Variants in ROBO1 observed in about 807,000 individuals in gnomAD.
ROBO1 encodes roundabout homolog 1.
Under a neutral mutation model 195.9 loss-of-function variants are expected in ROBO1, and 149 were observed. That is an observed-to-expected ratio of 0.76 (90% confidence interval 0.67 to 0.87). ROBO1 has a LOEUF of 0.87. Ranked by LOEUF, ROBO1 falls within the 40% of genes least tolerant of loss-of-function variation. The pLI is 0.00. For missense variants in ROBO1, 1,933 were observed against 2,068.3 expected, an observed-to-expected ratio of 0.93 and a Z score of 1.27; for synonymous variants, 816 against 733.2, an observed-to-expected ratio of 1.11 and a Z score of -1.82.
intron 3 of ROBO1, among the ~76,000 whole-genome samples, chr3:79,039,469 C>A (rs2078441638): frequency 6.6e-6 from 1 of 152,074 alleles, no homozygotes; most frequent in Admixed American, 6.5e-5. Context: ...GTAGAAATAG[C>A]CATGGCTTTA....
chr3:79,393,279 A>C (rs946289061), intron 2 of ROBO1, among the ~76,000 whole-genome samples: 1 of 152,152 alleles, frequency 6.6e-6, no homozygotes, highest in Non-Finnish European at 1.5e-5. Flanking sequence ...AGGAATATTA[A>C]TTTTAGCAAT....
At chr3:78,818,404 C>A (rs944006709) in intron 4 of ROBO1, among the ~76,000 whole-genome samples, 14 of 152,190 alleles carry the variant, frequency 9.2e-5, no homozygotes, top group African/African-American at 3.4e-4. Flanking sequence ...GGAGGTTGCC[C>A]ACAGTGACCT....
chr3:78,649,190 G>C (rs1013882219), intron 19 of ROBO1, among the ~76,000 whole-genome samples: 1 of 151,672 alleles, frequency 6.6e-6, no homozygotes, highest in African/African-American at 2.4e-5. Flanking sequence ...TGGAGTGCCT[G>C]AACATTAATT....
intron 3 of ROBO1, among the ~76,000 whole-genome samples, chr3:79,041,433 T>C (rs2078485724): frequency 6.6e-6 from 1 of 152,130 alleles, no homozygotes; most frequent in African/African-American, 2.4e-5. Context: ...AAAGTTGAAA[T>C]GGTGGCATCT....
chr3:78,977,057 A>C (rs1269060724), intron 3 of ROBO1, among the ~76,000 whole-genome samples: 1 of 152,198 alleles, frequency 6.6e-6, no homozygotes, highest in Non-Finnish European at 1.5e-5. Flanking sequence ...TGGTAAAACA[A>C]AAACAAAAAC....
chr3:79,176,453 G>T (rs5016999), intron 2 of ROBO1, among the ~76,000 whole-genome samples: 13,426 of 152,000 alleles, frequency 0.088, 1,019 homozygotes, highest in African/African-American at 0.2. Flanking sequence ...TATATCTGAA[G>T]ATTATTATTA....
intron 1 of ROBO1, among the ~76,000 whole-genome samples, chr3:79,666,632 T>C (rs1019602301): frequency 6.6e-6 from 1 of 151,854 alleles, no homozygotes; most frequent in Non-Finnish European, 1.5e-5. Flanking sequence ...CTCTCATTCT[T>C]TCTTGCTTGC....
rs1425510400 is a variant in ROBO1 at position 78,821,315 on chromosome 3, AC to A, written c.500-74416del. On this transcript the variant is annotated intron_variant, in intron 4 of 30. Coordinates refer to ENST00000464233, the MANE Select transcript of ROBO1 (RefSeq NM_002941.4). Reference sequence around the variant, plus strand: ...CGAGTAACTGGGATTACAGGTGTGTACCACCACGCCCGGCTAATTTTTGTAT... The same window carrying A: ...CGAGTAACTGGGATTACAGGTGTGTACACCACGCCCGGCTAATTTTTGTAT... 4.0e-5 allele frequency among the ~76,000 whole-genome samples: 6 copies of A among 151,630 alleles called. No homozygotes were observed. In the East Asian group the frequency reaches 1.2e-3, roughly 30 times the overall value.
chr3:79,390,867 T>G (rs529066593), intron 2 of ROBO1, among the ~76,000 whole-genome samples: 1 of 152,158 alleles, frequency 6.6e-6, no homozygotes, highest in East Asian at 1.9e-4. Context: ...AGGGAATGAA[T>G]GAGAGCACGG....
intron 29 of ROBO1, among the ~76,000 whole-genome samples, chr3:78,602,274 T>C (rs1395094337): frequency 1.3e-5 from 2 of 151,948 alleles, no homozygotes; most frequent in Non-Finnish European, 2.9e-5. Context: ...TAAAAGTATG[T>C]GGCACCTCCA....
intron 2 of ROBO1, among the ~76,000 whole-genome samples, chr3:79,424,666 G>T (rs1176198595): frequency 1.3e-5 from 2 of 151,964 alleles, no homozygotes; most frequent in Non-Finnish European, 2.9e-5. Context: ...CAAATATGGT[G>T]CTCCCCAAGA....
intron 4 of ROBO1, among the ~76,000 whole-genome samples, chr3:78,832,616 A>T (rs2032329165): frequency 6.6e-6 from 1 of 152,148 alleles, no homozygotes; most frequent in Non-Finnish European, 1.5e-5. Flanking sequence ...ATAGGATGTG[A>T]TCTCTGTTTT....
intron 28 of ROBO1, among the ~76,000 whole-genome samples, chr3:78,607,865 A>T (rs970892343): frequency 1.3e-5 from 2 of 152,170 alleles, no homozygotes; most frequent in Admixed American, 6.5e-5. Context: ...TATAATCAGA[A>T]CCAGGACTAA....
chr3:79,506,126 TTTA>T (rs756484044), intron 2 of ROBO1, among the ~76,000 whole-genome samples: 20 of 152,036 alleles, frequency 1.3e-4, no homozygotes, highest in East Asian at 5.8e-4. Context: ...GGTTTATTTA[TTTA>T]TTATTATTAT....
intron 3 of ROBO1, among the ~76,000 whole-genome samples, chr3:79,003,089 G>T (rs1444337449): frequency 2.0e-5 from 3 of 152,102 alleles, no homozygotes; most frequent in Admixed American, 6.6e-5. Context: ...TTAAATGTGG[G>T]AGTGGGGAAG....
Position 79,223,503 on chromosome 3 carries a change from G to A in ROBO1, c.89-97964C>T, listed in dbSNP as rs78797317. 3.9e-3 allele frequency among the ~76,000 whole-genome samples: 594 copies of A among 152,200 alleles called. 3 individuals carry two copies. Among genetic ancestry groups the A allele is most frequent in the African/African-American group, 0.013 (560 of 41,518 alleles). ...CATCTCCTGATACTCGAGACCCAAAGGCAGCAATAGGATTATTCTGGGACC... is the reference window on the plus strand; with the variant it reads ...CATCTCCTGATACTCGAGACCCAAAAGCAGCAATAGGATTATTCTGGGACC... On this transcript the variant is annotated intron_variant, in intron 2 of 30. Transcript: ENST00000464233.
At chr3:78,986,963 T>C (rs145674444) in intron 3 of ROBO1, among the ~76,000 whole-genome samples, 31 of 152,228 alleles carry the variant, frequency 2.0e-4, no homozygotes, top group Non-Finnish European at 3.5e-4. Context: ...AAAGTCTGAG[T>C]ACTTATTATC....
In ROBO1 at chr3:79,491,023, A is replaced by G. The variant is rs185037832; in HGVS notation, c.88+98801T>C. Among the ~76,000 whole-genome samples the G allele has an allele frequency of 3.3e-5, 5 of 152,030 alleles. No individual in the cohort carries two copies. In the East Asian group the frequency reaches 9.7e-4, roughly 29 times the overall value. ...AAAAAAGTGTCTCTATGGTAAATTT[A>G]TTTATTTCCTATATTATTATTTTTA... On this transcript the variant is annotated intron_variant, in intron 2 of 30. Coordinates refer to ENST00000464233, the MANE Select transcript of ROBO1 (RefSeq NM_002941.4).
intron 2 of ROBO1, among the ~76,000 whole-genome samples, chr3:79,462,422 G>A (rs577598411): frequency 6.6e-6 from 1 of 152,190 alleles, no homozygotes; most frequent in Non-Finnish European, 1.5e-5. Context: ...TCTATTACTT[G>A]TATAGTAGAT....
Sources: allele counts gnomAD v4.1 joint callset (sites outside exome capture counted in the v4.1 genomes callset), GRCh38; gene constraint gnomAD v4.1.1; transcripts MANE v1.5; gene names NCBI Gene and HGNC (gene_info 2026-07-23, HGNC 2026-07-21).